Variants in ACADVL observed in about 807,000 individuals in gnomAD.
ACADVL encodes the protein very long-chain acyl-CoA dehydrogenase, mitochondrial.
A neutral mutation model predicts 80.4 loss-of-function variants in ACADVL; 73 were observed. The observed-to-expected ratio is 0.91, with a 90% confidence interval of 0.75 to 1.10. The LOEUF is 1.10. Among genes scored for constraint, ACADVL ranks in the 50% least tolerant of loss-of-function variants. The pLI, the probability that ACADVL is intolerant of heterozygous loss-of-function variation, is 0.00. For missense variants in ACADVL, 878 were observed against 858.9 expected (o/e 1.02, Z -0.28); for synonymous variants, 392 against 326.5 (o/e 1.20, Z -2.16).
At position 7,223,638 on chromosome 17, in the gene ACADVL, C is replaced by T. The variant is rs1184450028; in HGVS notation, c.1183-6C>T. 7 of 1,613,950 alleles carry T rather than the reference C, an allele frequency of 4.3e-6. No individual in the cohort carries two copies. The Admixed American group carries it at 8.3e-5, about 19-fold the overall frequency. ...TCCTTCCCATGTCCCAACTATGCAACCTCAGTCCATGGCTTACATGGTGAG... is the reference window on the plus strand; with the variant it reads ...TCCTTCCCATGTCCCAACTATGCAATCTCAGTCCATGGCTTACATGGTGAG... On this transcript the variant is annotated splice_region_variant and splice_polypyrimidine_tract_variant and intron_variant, in intron 11 of 19. Transcript: ENST00000356839.
In ACADVL at chr17:7,224,015, C is replaced by T. The variant is rs2071355303; in HGVS notation, c.1380C>T (p.Ile460=). Residue 460 remains isoleucine (I), a synonymous_variant, in exon 14 of 20, where the codon ATC becomes ATT. Transcript: ENST00000356839. ...TCCGAGATCTTCGCATCTTCCGGAT[C>T]TTTGAGGGGACAAATGACATTCTTC... ...RVLRDLRIFR[I]FEGTNDILRL... is the part of the protein sequence containing the mutation. The T allele has an allele frequency of 3.1e-6, 5 of 1,614,118 alleles. No individual in the cohort carries two copies. Among genetic ancestry groups the T allele is most frequent in the Non-Finnish European group, 4.2e-6 (5 of 1,180,028 alleles).
At chr17:7,223,364 G>A (rs774931971) in intron 11 of ACADVL, 127 bp downstream of exon 11, 12 of 952,548 alleles carry the variant, frequency 1.3e-5, no homozygotes, top group South Asian at 5.4e-5. Flanking sequence ...TAGGGGATGC[G>A]GGGAGGCATA....
chr17:7,222,912 C>T (rs1216907288), intron 10 of ACADVL, 47 bp downstream of exon 10: 3 of 1,598,660 alleles, frequency 1.9e-6, no homozygotes, highest in Non-Finnish European at 2.6e-6. Flanking sequence ...AGAAGTCTCA[C>T]TGTCCCCCTT....
At chr17:7,219,789 A>T, upstream of ACADVL, 1 of 1,504,358 alleles carries the variant, frequency 6.6e-7, no homozygotes, top group Non-Finnish European at 8.9e-7. Context: ...GGACGCTTGG[A>T]GATCCCTCTA....
intron 6 of ACADVL, 106 bp downstream of exon 6, chr17:7,221,164 C>A: frequency 6.4e-7 from 1 of 1,574,438 alleles, no homozygotes; most frequent in Non-Finnish European, 8.6e-7. Flanking sequence ...CTTCTAAGCA[C>A]CTGCCCTGGG....
In ACADVL at chr17:7,222,664, C is replaced by T; in HGVS notation, c.879-3C>T. 1.2e-6 allele frequency: 2 copies of T among 1,612,984 alleles called. No individual in the cohort carries two copies. The highest frequency in any genetic ancestry group is 1.7e-6 in the Non-Finnish European group (2 of 1,179,450). On this transcript the variant is annotated splice_polypyrimidine_tract_variant and splice_region_variant and intron_variant, in intron 9 of 19. Coordinates refer to ENST00000356839, the MANE Select transcript of ACADVL (RefSeq NM_000018.4). ...TCTGCTTTCCCACACTGCCCTGACA[C>T]AGTGGGCCCCCTGAGAAGAAGATGG...
Position 7,223,880 on chromosome 17 carries a change from A to G in ACADVL, c.1332+5A>G, listed in dbSNP as rs771162245. On this transcript the variant is annotated splice_donor_5th_base_variant and intron_variant, in intron 13 of 19. Transcript: ENST00000356839. ...GGGGGTATGGGCTTCATGAAGGTAC[A>G]GGACGGTCTTCTGCAGAGCCTCGGC... 22 of 1,613,940 alleles carry G rather than the reference A, an allele frequency of 1.4e-5. No homozygotes were observed. Among genetic ancestry groups the G allele is most frequent in the Non-Finnish European group, 1.8e-5 (21 of 1,180,034 alleles).
At chr17:7,223,302 C>T (rs780035805) in intron 11 of ACADVL, 65 bp downstream of exon 11, 3 of 1,427,652 alleles carry the variant, frequency 2.1e-6, no homozygotes, top group Non-Finnish European at 3.0e-6. Flanking sequence ...GGTCAGACTA[C>T]AACCCCCAGC....
At chr17:7,218,342 C>A, upstream of ACADVL, 1 of 1,542,370 alleles carries the variant, frequency 6.5e-7, no homozygotes, top group South Asian at 1.2e-5. Flanking sequence ...CACATCACCC[C>A]TGTCATCACC....
At chr17:7,217,850 C>G (rs1378735001), upstream of ACADVL, 2 of 1,529,022 alleles carry the variant, frequency 1.3e-6, no homozygotes, top group Non-Finnish European at 8.8e-7. Context: ...AAGGAAGCAT[C>G]TATAGTTGGG....
upstream of ACADVL, chr17:7,218,335 A>G: frequency 6.4e-7 from 1 of 1,561,220 alleles, no homozygotes; most frequent in Non-Finnish European, 8.7e-7. Context: ...CTCCAGGCAC[A>G]TCACCCCTGT....
In ACADVL at chr17:7,221,960, G is replaced by A; in HGVS notation, c.631G>A (p.Val211Met). Residue 211 changes from valine to methionine, a missense_variant, in exon 8 of 20, where the codon GTG becomes ATG. By Grantham distance (21) the Val-to-Met change is conservative. Transcript: ENST00000356839. Reference sequence around the variant, plus strand: ...AGCTCTCTCCCCAACAGGGGAGACTGTGGCCGCTTTCTGTCTAACCGAGCC... The same window carrying A: ...AGCTCTCTCCCCAACAGGGGAGACTATGGCCGCTTTCTGTCTAACCGAGCC... ...YLPKLASGET[V>M]AAFCLTEPSS... 1.9e-6 allele frequency: 3 copies of A among 1,614,098 alleles called. No homozygotes were observed. The highest frequency in any genetic ancestry group is 2.2e-5 in the East Asian group (1 of 44,870).
At chr17:7,224,107 G>A (rs763704056) in intron 14 of ACADVL, 38 bp downstream of exon 14, 1 of 1,612,938 alleles carries the variant, frequency 6.2e-7, no homozygotes, top group Non-Finnish European at 8.5e-7. Flanking sequence ...AGGTGGGGAG[G>A]ACAGTGAGTC....
chr17:7,218,839 C>T (rs1206370933), upstream of ACADVL: 1 of 1,613,732 alleles, frequency 6.2e-7, no homozygotes, highest in Admixed American at 1.7e-5. Flanking sequence ...ACCTCTTGGT[C>T]TCTGGGACAT....
At position 7,219,959 on chromosome 17, in the gene ACADVL, C is replaced by G; in HGVS notation, c.-26C>G. 1 of 1,367,992 alleles carries G rather than the reference C, an allele frequency of 7.3e-7. No individual in the cohort carries two copies. The highest frequency in any genetic ancestry group is 1.0e-6 in the Non-Finnish European group (1 of 980,498). 84.7% of individuals were successfully genotyped at this position (1,367,992 alleles called of 1,614,324 possible). A position where few individuals can be genotyped will look rare whatever the true frequency, so the allele number is the denominator to read the frequency against. Reference sequence around the variant, plus strand: ...CGCCAGAGCTGGGTCAGAGCTCGAGCCAGCGGCGCCCGGAGAGATTCGGAG... The same window carrying G: ...CGCCAGAGCTGGGTCAGAGCTCGAGGCAGCGGCGCCCGGAGAGATTCGGAG... On this transcript the variant is annotated 5_prime_UTR_variant, in exon 1 of 20. Transcript: ENST00000356839.
chr17:7,219,897 G>A, upstream of ACADVL: 1 of 1,550,436 alleles, frequency 6.4e-7, no homozygotes, highest in Non-Finnish European at 8.7e-7. Flanking sequence ...TGGACGATGA[G>A]TCAGGGTTAG....
At position 7,222,008 on chromosome 17, in the gene ACADVL, T is replaced by G; in HGVS notation, c.679T>G (p.Ser227Ala). The change falls in exon 8 of 20, where the codon TCC becomes GCC. Residue 227 changes from serine (S) to alanine (A), a missense_variant. Coordinates refer to ENST00000356839, the MANE Select transcript of ACADVL (RefSeq NM_000018.4). The stretch of plus-strand genomic sequence containing the variant: ...GCCCTCAAGCGGGTCAGATGCAGCC[T>G]CCATCCGAACCTCTGCTGTGCCCAG... ...TEPSSGSDAA[S>A]IRTSAVPSPC... 6.2e-7 allele frequency: 1 copy of G among 1,614,078 alleles called. No homozygotes were observed. Among genetic ancestry groups the G allele is most frequent in the Non-Finnish European group, 8.5e-7 (1 of 1,180,018 alleles).
upstream of ACADVL, chr17:7,219,683 G>A: frequency 7.4e-7 from 1 of 1,347,526 alleles, no homozygotes; most frequent in Non-Finnish European, 9.6e-7. Context: ...AGTGACTTAA[G>A]CCCCTTCCTC....
chr17:7,218,996 G>C (rs948110140), upstream of ACADVL: 1 of 803,324 alleles, frequency 1.2e-6, no homozygotes, highest in Non-Finnish European at 2.1e-6. Flanking sequence ...CACCAGCACC[G>C]CCACCATCTT....
Sources: gnomAD v4.1 joint callset for allele counts on GRCh38, gnomAD v4.1.1 for gene constraint, MANE v1.5 for transcripts, NCBI Gene and HGNC (gene_info 2026-07-23, HGNC 2026-07-21) for gene names.